RFPL2: variants seen among roughly 807,000 people sequenced by gnomAD.
RFPL2 encodes ret finger protein like 2, also known as ret finger protein-like 2.
RFPL2 carries 13 observed loss-of-function variants against 17.8 expected under a neutral mutation model. The ratio of observed to expected loss-of-function variants is 0.73; its 90% CI spans 0.47 to 1.16. RFPL2 has a LOEUF of 1.16. Ranked by LOEUF, RFPL2 falls within the 50% of genes most tolerant of loss-of-function variation. RFPL2 has a pLI of 0.00. For missense variants in RFPL2, 431 were observed against 479.3 expected (o/e 0.90, Z 0.94); for synonymous variants, 189 against 180.9 (o/e 1.04, Z -0.36).
intron 2 of RFPL2, among the ~76,000 whole-genome samples, chr22:32,200,434 AGT>A (rs1348383575): frequency 6.6e-6 from 1 of 152,056 alleles, no homozygotes; most frequent in Admixed American, 6.5e-5. Context: ...CTGGGTTCTC[AGT>A]GTGTGTAAGG....
At chr22:32,196,198 G>A (rs1481313992) in intron 2 of RFPL2, among the ~76,000 whole-genome samples, 1 of 152,200 alleles carries the variant, frequency 6.6e-6, no homozygotes, top group Non-Finnish European at 1.5e-5. Context: ...CCAGAGAAGT[G>A]ATGAATCTGC....
chr22:32,197,654 A>T (rs1923493317), intron 2 of RFPL2, among the ~76,000 whole-genome samples: 1 of 152,072 alleles, frequency 6.6e-6, no homozygotes, highest in African/African-American at 2.4e-5. Context: ...GAGAACATGC[A>T]GTGTTTGGTT....
intron 3 of RFPL2, among the ~76,000 whole-genome samples, chr22:32,193,691 T>C (rs772791659): frequency 4.6e-5 from 7 of 151,984 alleles, no homozygotes; most frequent in Non-Finnish European, 4.4e-5. Flanking sequence ...GGAAACCCCA[T>C]CTCTACTGAA....
intron 3 of RFPL2, 41 bp downstream of exon 3, chr22:32,194,303 AG>A: frequency 6.3e-7 from 1 of 1,585,090 alleles, no homozygotes; most frequent in Non-Finnish European, 8.5e-7. Context: ...CCCCATTTCT[AG>A]GCATCTAAGA....
intron 1 of RFPL2, among the ~76,000 whole-genome samples, chr22:32,203,729 T>TG (rs61141298): frequency 0.52 from 78,686 of 150,212 alleles, 23,542 homozygotes; most frequent in African/African-American, 0.82. Flanking sequence ...TTCCCCACCA[T>TG]GGCACTGATG....
intron 2 of RFPL2, among the ~76,000 whole-genome samples, chr22:32,195,894 A>G (rs935686232): frequency 6.6e-6 from 1 of 152,080 alleles, no homozygotes; most frequent in African/African-American, 2.4e-5. Flanking sequence ...GTAATTTTAT[A>G]TTCAATTACC....
At chr22:32,199,842 C>T (rs1923731364) in intron 2 of RFPL2, 2 of 391,596 alleles carry the variant, frequency 5.1e-6, no homozygotes, top group African/African-American at 4.3e-5. Context: ...GGGCCTGACC[C>T]CTCTTCATAC....
rs1039674493 is a variant in RFPL2, at chr22:32,193,501, G to A, written c.266-309C>T. On this transcript the variant is annotated intron_variant, in intron 3 of 4. Transcript: ENST00000652607. ...TGGCAGCACCCATGTGAGGAACAGC[G>A]AGCTGGGGTCATTTCACCTCCTCCT... The A allele has an allele frequency of 4.3e-6, 6 of 1,406,618 alleles. No individual in the cohort carries two copies. In the African/African-American group the frequency reaches 4.3e-5, roughly 10 times the overall value. 87.1% of individuals were successfully genotyped at this position (1,406,618 alleles called of 1,614,324 possible).
chr22:32,202,152 A>C (rs1923977892), intron 2 of RFPL2, among the ~76,000 whole-genome samples, 181 bp downstream of exon 2: 2 of 151,388 alleles, frequency 1.3e-5, no homozygotes, highest in Non-Finnish European at 2.9e-5. Context: ...GCATCTTCAG[A>C]TCTCTCTCCT....
intron 1 of RFPL2, among the ~76,000 whole-genome samples, chr22:32,204,157 C>G (rs1019180382): frequency 1.3e-5 from 2 of 149,208 alleles, no homozygotes; most frequent in African/African-American, 5.0e-5. Context: ...GATAACGCCC[C>G]AACACGCTCC....
Position 32,201,273 on chromosome 22 carries a change from C to T in RFPL2, c.119+1060G>A, listed in dbSNP as rs932927956. Among the ~76,000 whole-genome samples, 7 of 152,074 alleles carry T rather than the reference C, an allele frequency of 4.6e-5. No homozygotes were observed. The East Asian group carries it at 5.8e-4, about 13-fold the overall frequency. On this transcript the variant is annotated intron_variant, in intron 2 of 4. Transcript: ENST00000652607. ...CAGGATGGTCTTGATCTCCTGACCTCGTGATCTGCCTGCCTCGGCCTCCCA... is the reference window on the plus strand; with the variant it reads ...CAGGATGGTCTTGATCTCCTGACCTTGTGATCTGCCTGCCTCGGCCTCCCA...
At chr22:32,201,493 C>G (rs533393341) in intron 2 of RFPL2, among the ~76,000 whole-genome samples, 1 of 152,236 alleles carries the variant, frequency 6.6e-6, no homozygotes, top group Non-Finnish European at 1.5e-5. Context: ...GACACATGCA[C>G]AGGTGACCTG....
intron 1 of RFPL2, among the ~76,000 whole-genome samples, chr22:32,203,785 C>T (rs1283372832): frequency 6.6e-6 from 1 of 151,600 alleles, no homozygotes; most frequent in Non-Finnish European, 1.5e-5. Flanking sequence ...ACCAGTGCAG[C>T]CATGGATAGC....
At chr22:32,192,800 G>A (rs1922820910) in intron 4 of RFPL2, 102 bp downstream of exon 4, 1 of 1,455,512 alleles carries the variant, frequency 6.9e-7, no homozygotes, top group Non-Finnish European at 9.3e-7. Flanking sequence ...AATTTTAGGT[G>A]CCAGACAGCA....
chr22:32,196,914 A>G (rs1459754865), intron 2 of RFPL2, among the ~76,000 whole-genome samples: 3 of 152,218 alleles, frequency 2.0e-5, no homozygotes, highest in Admixed American at 6.5e-5. Context: ...AGTATTTAAA[A>G]GGCAATTTCT....
At chr22:32,202,277 T>C (rs1923999073) in intron 2 of RFPL2, 56 bp downstream of exon 2, 2 of 1,548,552 alleles carry the variant, frequency 1.3e-6, no homozygotes, top group East Asian at 2.4e-5. Flanking sequence ...CCTTCCTCTT[T>C]CCCTTATAAA....
At chr22:32,197,364 C>T (rs1388694855) in intron 2 of RFPL2, among the ~76,000 whole-genome samples, 4 of 152,194 alleles carry the variant, frequency 2.6e-5, no homozygotes, top group African/African-American at 9.7e-5. Context: ...TCTTTCCTCA[C>T]ACCCACAGTC....
At chr22:32,197,912 A>G (rs1200958265) in intron 2 of RFPL2, among the ~76,000 whole-genome samples, 1 of 152,194 alleles carries the variant, frequency 6.6e-6, no homozygotes, top group Non-Finnish European at 1.5e-5. Context: ...AATGAACATG[A>G]GACCCTGAGA....
At position 32,191,363 on chromosome 22, in the gene RFPL2, G is replaced by GA. The variant is rs61261702; in HGVS notation, c.557-12dup. The GA allele has an allele frequency of 2.4e-3, 3,776 of 1,592,852 alleles. 20 individuals carry two copies. Among genetic ancestry groups the GA allele is most frequent in the South Asian group, 7.2e-3 (643 of 88,778 alleles). ...CCAAGGTCATATCCACTGTGAAAAG[G>GA]AAAAAAAGTTGCTCAGCAAATGGAC... On this transcript the variant is annotated splice_polypyrimidine_tract_variant and intron_variant, in intron 4 of 4. Transcript: ENST00000652607.
Sources: allele counts gnomAD v4.1 joint callset (sites outside exome capture counted in the v4.1 genomes callset), GRCh38; gene constraint gnomAD v4.1.1; transcripts MANE v1.5; gene names NCBI Gene and HGNC (gene_info 2026-07-23, HGNC 2026-07-21).